FUT8: variants seen among roughly 807,000 people sequenced by gnomAD.
FUT8 encodes alpha-(1,6)-fucosyltransferase.
FUT8 carries 29 observed loss-of-function variants against 71.3 expected under a neutral mutation model. The ratio of observed to expected loss-of-function variants is 0.41; its 90% CI spans 0.30 to 0.55. The LOEUF (loss-of-function observed/expected upper bound fraction) is 0.55. Ranked by LOEUF, FUT8 falls within the 20% of genes least tolerant of loss-of-function variation. The pLI is 0.34. For synonymous variants in FUT8, 254 were observed against 239.3 expected (o/e 1.06, Z -0.57); for missense variants, 544 against 702.1 (o/e 0.77, Z 2.55).
At position 65,512,233 on chromosome 14, in the gene FUT8, G is replaced by A. The variant is rs185819283; in HGVS notation, c.-227-49104G>A. ...GGGTGGAGTGCGGTGGCGCGATCTC[G>A]GCTTACTGCAACCTGCGCCTCCTGG... On this transcript the variant is annotated intron_variant, in intron 2 of 10. Transcript: ENST00000673929. Among the ~76,000 whole-genome samples, 186 of 152,258 alleles carry A rather than the reference G, an allele frequency of 1.2e-3. No individual in the cohort carries two copies. In the Middle Eastern group the frequency reaches 0.017, roughly 14 times the overall value.
At chr14:65,545,942 G>A (rs909107167) in intron 2 of FUT8, among the ~76,000 whole-genome samples, 1 of 151,708 alleles carries the variant, frequency 6.6e-6, no homozygotes. Context: ...GAATGTACTA[G>A]GTGATGATTT....
rs547596040 is a variant in FUT8, at chr14:65,723,551, G to A, written c.1083-596G>A. 5.3e-5 allele frequency among the ~76,000 whole-genome samples: 8 copies of A among 152,232 alleles called. No homozygotes were observed. In the East Asian group the frequency reaches 1.5e-3, roughly 29 times the overall value. ...TGCCCACAACAGAAGGGCTGGAATCGGTTTCATTTACCTAAAATAGTAAAA... is the reference window on the plus strand; with the variant it reads ...TGCCCACAACAGAAGGGCTGGAATCAGTTTCATTTACCTAAAATAGTAAAA... On this transcript the variant is annotated intron_variant, in intron 8 of 10. Transcript: ENST00000673929.
At chr14:65,406,620 CCTT>C (rs1295363444), upstream of FUT8, among the ~76,000 whole-genome samples, 1 of 152,184 alleles carries the variant, frequency 6.6e-6, no homozygotes, top group Non-Finnish European at 1.5e-5. Context: ...ACTGCAACCT[CCTT>C]CTCCTGGGTT....
chr14:65,406,486 AG>A (rs1340047935), upstream of FUT8, among the ~76,000 whole-genome samples: 9 of 152,188 alleles, frequency 5.9e-5, no homozygotes, highest in African/African-American at 2.2e-4. Context: ...CTCCCTGTGC[AG>A]GGCTTGTTTT....
rs111311635 is a variant in FUT8 at position 65,441,780 on chromosome 14, C to T, written c.-325-13841C>T. 8.2e-3 allele frequency among the ~76,000 whole-genome samples: 1,036 copies of T among 126,652 alleles called. 17 individuals are homozygous for T. Among genetic ancestry groups the T allele is most frequent in the African/African-American group, 0.026 (894 of 34,268 alleles). 83.1% of individuals were successfully genotyped at this position (126,652 alleles called of 152,430 possible). ...AAAAAAAAAAAAAAAAAAAAAAAAT[C>T]AGTTTGTATTTACTCAGATTTTTTT... On this transcript the variant is annotated intron_variant, in intron 1 of 10. Transcript: ENST00000673929.
chr14:65,387,138 G>A, the FUT8 span, among the ~76,000 whole-genome samples: 5 of 151,978 alleles, frequency 3.3e-5, no homozygotes, highest in African/African-American at 7.2e-5. Flanking sequence ...CACCATGCCC[G>A]GCTAAATATT....
At chr14:65,587,728 G>A (rs563146661) in intron 3 of FUT8, among the ~76,000 whole-genome samples, 5 of 152,170 alleles carry the variant, frequency 3.3e-5, no homozygotes, top group South Asian at 2.1e-4. Context: ...GCTTAGAGTT[G>A]CACAATTACT....
At chr14:65,613,636 G>A (rs1184956064) in intron 3 of FUT8, among the ~76,000 whole-genome samples, 4 of 152,072 alleles carry the variant, frequency 2.6e-5, no homozygotes, top group Non-Finnish European at 1.5e-5. Flanking sequence ...ATGTTAATGC[G>A]TACAATTTTA....
chr14:65,557,446 C>T (rs1384741363), intron 2 of FUT8, among the ~76,000 whole-genome samples: 1 of 151,700 alleles, frequency 6.6e-6, no homozygotes, highest in Non-Finnish European at 1.5e-5. Context: ...AATTCTCTGC[C>T]TCAGCCTCCT....
Position 65,669,413 on chromosome 14 carries a change from G to C in FUT8, c.768G>C (p.Glu256Asp). ...QNWRYATGGW[E>D]TVFRPVSETC... ...GGCGCTATGCTACTGGTGGATGGGA[G>C]ACTGTATTTAGGCCTGTAAGTGAGA... Residue 256 changes from glutamate to aspartate, a missense_variant, in exon 7 of 11, where the codon GAG becomes GAC. By Grantham distance (45) the Glu-to-Asp change is conservative. Coordinates refer to ENST00000673929, the MANE Select transcript of FUT8 (RefSeq NM_001371533.1). This position sits in a 1 kb window ranked among gnomAD's most constrained non-coding sequence, Gnocchi z 4.5. 1 of 1,613,778 alleles carries C rather than the reference G, an allele frequency of 6.2e-7. No individual in the cohort carries two copies. Among genetic ancestry groups the C allele is most frequent in the Non-Finnish European group, 8.5e-7 (1 of 1,179,818 alleles).
intron 2 of FUT8, among the ~76,000 whole-genome samples, chr14:65,543,823 G>A (rs1025346389): frequency 6.6e-6 from 1 of 152,078 alleles, no homozygotes; most frequent in African/African-American, 2.4e-5. Flanking sequence ...ATTCCCAGTT[G>A]TTCTTTTGCA....
At chr14:65,615,534 A>G (rs914299681) in intron 3 of FUT8, among the ~76,000 whole-genome samples, 9 of 152,250 alleles carry the variant, frequency 5.9e-5, no homozygotes, top group Admixed American at 6.5e-5. Flanking sequence ...TAATTAATTT[A>G]GAAATACATT....
intron 2 of FUT8, among the ~76,000 whole-genome samples, chr14:65,497,152 C>T (rs781728599): frequency 1.9e-4 from 29 of 152,110 alleles, no homozygotes; most frequent in Non-Finnish European, 3.4e-4. Context: ...TCATTTCCAA[C>T]GGTAATATAT....
At chr14:65,696,846 G>A (rs1027441698) in intron 7 of FUT8, among the ~76,000 whole-genome samples, 4 of 151,982 alleles carry the variant, frequency 2.6e-5, no homozygotes, top group Non-Finnish European at 5.9e-5. Flanking sequence ...GGCCATTAAA[G>A]GCATTCTTCA....
Position 65,467,075 on chromosome 14 carries a change from CCTTT to C in FUT8, c.-228+11362_-228+11365del, listed in dbSNP as rs1273042522. ...CTTTATTTTTTTCCTCTACACTCTT[CCTTT>C]CTTTTTGTAATCCATATTTCTGATC... On this transcript the variant is annotated intron_variant, in intron 2 of 10. Coordinates refer to ENST00000673929, the MANE Select transcript of FUT8 (RefSeq NM_001371533.1). The surrounding 1 kb of genome is among the most constrained non-coding windows in gnomAD (Gnocchi z 4.1). Among the ~76,000 whole-genome samples the C allele has an allele frequency of 7.9e-5, 12 of 152,192 alleles. No individual in the cohort carries two copies. Among genetic ancestry groups the C allele is most frequent in the Admixed American group, 2.6e-4 (4 of 15,276 alleles).
intron 2 of FUT8, among the ~76,000 whole-genome samples, chr14:65,540,397 G>T (rs1884605612): frequency 6.6e-6 from 1 of 152,220 alleles, no homozygotes; most frequent in South Asian, 2.1e-4. Context: ...GCTCAGCTGG[G>T]AAGGCATACC....
At chr14:65,656,644 C>A (rs1176075938) in intron 6 of FUT8, among the ~76,000 whole-genome samples, 1 of 152,090 alleles carries the variant, frequency 6.6e-6, no homozygotes, top group Non-Finnish European at 1.5e-5. Context: ...CTAAAACTTA[C>A]ATGGAATCAC....
chr14:65,533,932 T>G (rs1433206288), intron 2 of FUT8, among the ~76,000 whole-genome samples: 1 of 152,232 alleles, frequency 6.6e-6, no homozygotes, highest in African/African-American at 2.4e-5. Context: ...TCATACTTAT[T>G]GATTTGCATA....
chr14:65,546,329 T>A (rs1884984271), intron 2 of FUT8, among the ~76,000 whole-genome samples: 1 of 151,854 alleles, frequency 6.6e-6, no homozygotes, highest in Non-Finnish European at 1.5e-5. Flanking sequence ...AGTAATCTAT[T>A]CTTTATTGAG....
Sources: allele counts gnomAD v4.1 joint callset (sites outside exome capture counted in the v4.1 genomes callset), GRCh38; gene constraint gnomAD v4.1.1; non-coding constraint Gnocchi (gnomAD v3.1); transcripts MANE v1.5; gene names NCBI Gene and HGNC (gene_info 2026-07-23, HGNC 2026-07-21).